Variants in DDHD1 observed in about 807,000 individuals in gnomAD.
DDHD1 encodes phospholipase DDHD1.
DDHD1 carries 49 observed loss-of-function variants against 96.4 expected under a neutral mutation model. The observed-to-expected ratio is 0.51, with a 90% confidence interval of 0.40 to 0.64. The LOEUF (loss-of-function observed/expected upper bound fraction) is 0.64, where lower values mean the gene tolerates loss of function less well. DDHD1 is among the 30% of genes least tolerant of loss of function. The pLI, the probability that DDHD1 is intolerant of heterozygous loss-of-function variation, is 0.00. For synonymous variants in DDHD1, 442 were observed against 446.5 expected, an observed-to-expected ratio of 0.99 and a Z score of 0.13; for missense variants, 1,106 against 1,161.2, an observed-to-expected ratio of 0.95 and a Z score of 0.69.
chr14:53,074,348 A>G (rs1213434261), intron 4 of DDHD1, among the ~76,000 whole-genome samples: 1 of 151,822 alleles, frequency 6.6e-6, no homozygotes, highest in Non-Finnish European at 1.5e-5. Flanking sequence ...TACAATTACA[A>G]TTAGTATTAG....
intron 12 of DDHD1, chr14:53,048,403 T>C (rs1882226639): frequency 1.3e-5 from 2 of 150,618 alleles, no homozygotes; most frequent in Non-Finnish European, 2.9e-5. Context: ...AGTGGCACGA[T>C]CTTTGCTCAC....
At chr14:53,126,989 A>AT (rs904440331) in intron 1 of DDHD1, among the ~76,000 whole-genome samples, 2 of 152,168 alleles carry the variant, frequency 1.3e-5, no homozygotes, top group African/African-American at 4.8e-5. Flanking sequence ...AGAAACTAAA[A>AT]TTTTTTAAAA....
intron 6 of DDHD1, among the ~76,000 whole-genome samples, chr14:53,065,810 A>T (rs779935128): frequency 6.6e-6 from 1 of 152,308 alleles, no homozygotes; most frequent in South Asian, 2.1e-4. Context: ...GTCCACTTCT[A>T]TCTTTAGAGA....
chr14:53,124,141 A>G (rs1889237690), intron 1 of DDHD1, among the ~76,000 whole-genome samples: 1 of 151,986 alleles, frequency 6.6e-6, no homozygotes, highest in Non-Finnish European at 1.5e-5. Context: ...AGGCTGAGGC[A>G]GGAGAATCAC....
At chr14:53,147,532 C>T (rs1358267239) in intron 1 of DDHD1, among the ~76,000 whole-genome samples, 1 of 152,262 alleles carries the variant, frequency 6.6e-6, no homozygotes, top group Admixed American at 6.5e-5. Flanking sequence ...AGAGAAGCCC[C>T]AAATGCCATG....
At chr14:53,084,160 T>C (rs2139965304) in intron 4 of DDHD1, among the ~76,000 whole-genome samples, 1 of 152,330 alleles carries the variant, frequency 6.6e-6, no homozygotes, top group South Asian at 2.1e-4. Context: ...AAAAAGGACT[T>C]ATTCTTCTTG....
chr14:53,152,125 A>G, intron 1 of DDHD1, 136 bp downstream of exon 1: 1 of 842,300 alleles, frequency 1.2e-6, no homozygotes, highest in Non-Finnish European at 1.7e-6. Context: ...TCCCTGCTCA[A>G]TCTCCATCCT....
intron 4 of DDHD1, among the ~76,000 whole-genome samples, chr14:53,089,101 C>A (rs1465621513): frequency 4.6e-5 from 7 of 152,148 alleles, no homozygotes; most frequent in Non-Finnish European, 1.0e-4. Context: ...AGGAATCCAA[C>A]TTACAAGGGA....
At chr14:53,076,655 C>T (rs571660814) in intron 4 of DDHD1, among the ~76,000 whole-genome samples, 34 of 152,224 alleles carry the variant, frequency 2.2e-4, no homozygotes, top group African/African-American at 6.3e-4. Context: ...AGAAATCTTT[C>T]GTGAGAGGAA....
intron 1 of DDHD1, among the ~76,000 whole-genome samples, chr14:53,116,723 G>A (rs1219227120): frequency 2.6e-5 from 4 of 152,114 alleles, no homozygotes; most frequent in African/African-American, 4.8e-5. Flanking sequence ...CAGCTAAAGC[G>A]GTGTTAAGAT....
rs927041349 is a variant in DDHD1 at position 53,153,291 on chromosome 14, G to C, written c.-193C>G. The C allele has an allele frequency of 6.9e-6, 3 of 433,716 alleles. No individual in the cohort carries two copies. The highest frequency in any genetic ancestry group is 7.7e-6 in the Non-Finnish European group (2 of 258,974). 26.9% of individuals were successfully genotyped at this position (433,716 alleles called of 1,614,324 possible). A position where few individuals can be genotyped will look rare whatever the true frequency, so the allele number is the denominator to read the frequency against. On this transcript the variant is annotated 5_prime_UTR_variant, in exon 1 of 13. Transcript: ENST00000673822. ...GCCGCCGCAGCTGCGTTCTGCCGCC[G>C]GCCCCATTGTCACGCAGCCCGACGT... is the stretch of plus-strand genomic sequence containing the variant.
chr14:53,089,578 T>G (rs1012623154), intron 4 of DDHD1, among the ~76,000 whole-genome samples: 19 of 152,158 alleles, frequency 1.2e-4, no homozygotes, highest in African/African-American at 4.6e-4. Flanking sequence ...GATTCCCTAT[T>G]TAATAAATGA....
intron 2 of DDHD1, chr14:53,103,371 G>C (rs557042029): frequency 5.7e-6 from 2 of 352,046 alleles, no homozygotes; most frequent in African/African-American, 2.1e-5. Flanking sequence ...TTTGGGTTAA[G>C]TTCAATTTCC....
chr14:53,062,917 T>A lies in DDHD1; in HGVS notation c.1766+26A>T, dbSNP rs754127070. On this transcript the variant is annotated intron_variant, in intron 7 of 12. Transcript: ENST00000673822. ...GTAATTCCATAAAGACATTTAAAAA[T>A]TTTTCAAAAGATGAGGATATTTTAC... is the stretch of plus-strand genomic sequence containing the variant. 37 of 1,601,034 alleles carry A rather than the reference T, an allele frequency of 2.3e-5. No individual in the cohort carries two copies. In the East Asian group the frequency reaches 7.8e-4, roughly 34 times the overall value.
chr14:53,100,090 T>G (rs999284345), intron 2 of DDHD1, among the ~76,000 whole-genome samples: 1 of 152,060 alleles, frequency 6.6e-6, no homozygotes, highest in African/African-American at 2.4e-5. Context: ...AAATAAAAAA[T>G]ATTATCAATC....
intron 3 of DDHD1, 27 bp from the exon 4 acceptor site, chr14:53,091,959 T>C (rs773823507): frequency 2.5e-6 from 4 of 1,585,762 alleles, no homozygotes; most frequent in Non-Finnish European, 3.4e-6. Context: ...ATTCTAAGTT[T>C]ACTATTTAAT....
In DDHD1 at chr14:53,091,883, T is replaced by A; in HGVS notation, c.1191A>T (p.Thr397=). The change falls in exon 4 of 13, where the codon ACA becomes ACT. Residue 397 remains threonine, a synonymous_variant. Transcript: ENST00000673822. ...TAGTCTGTGATGGCTTGTCTTCTAA[T>A]GTGGCTTCTTCTACATAACCTCTAT... ...RLHRGYVEEA[T]LEDKPSQTTH... 1 of 1,613,720 alleles carries A rather than the reference T, an allele frequency of 6.2e-7. No individual in the cohort carries two copies. Among genetic ancestry groups the A allele is most frequent in the South Asian group, 1.1e-5 (1 of 91,020 alleles).
Position 53,058,486 on chromosome 14 carries a change from T to G in DDHD1, c.1983A>C (p.Thr661=), listed in dbSNP as rs1883261361. ...CNRLLNIFHP[T]DPVAYRLEPL... is the part of the protein sequence containing the mutation. Reference sequence around the variant, plus strand: ...CTATATTGCAACTCACCACTGGATCTGTAGGATGAAAAATATTTAGTAACC... The same window carrying G: ...CTATATTGCAACTCACCACTGGATCGGTAGGATGAAAAATATTTAGTAACC... Residue 661 remains threonine, a synonymous_variant, in exon 9 of 13, where the codon ACA becomes ACC. Coordinates refer to ENST00000673822, the MANE Select transcript of DDHD1 (RefSeq NM_001160148.2). 6.2e-7 allele frequency: 1 copy of G among 1,610,766 alleles called. No homozygotes were observed. Among genetic ancestry groups the G allele is most frequent in the African/African-American group, 1.3e-5 (1 of 74,686 alleles).
At chr14:53,149,335 G>T (rs1891196138) in intron 1 of DDHD1, among the ~76,000 whole-genome samples, 1 of 152,166 alleles carries the variant, frequency 6.6e-6, no homozygotes, top group African/African-American at 2.4e-5. Flanking sequence ...GAACTTACTG[G>T]ACATTTTTTT....
Sources: allele counts gnomAD v4.1 joint callset (sites outside exome capture counted in the v4.1 genomes callset), GRCh38; gene constraint gnomAD v4.1.1; transcripts MANE v1.5; gene names NCBI Gene and HGNC (gene_info 2026-07-23, HGNC 2026-07-21).